Variants in SCAPER observed in about 807,000 individuals in gnomAD.
SCAPER encodes the protein S-phase cyclin A associated protein in the ER, also known as S phase cyclin A-associated protein in the endoplasmic reticulum.
In SCAPER, 98 loss-of-function variants were observed where a neutral mutation model predicts 182.2. The observed-to-expected ratio is 0.54, with a 90% CI of 0.46 to 0.64. The LOEUF (loss-of-function observed/expected upper bound fraction) is 0.64. SCAPER is among the 30% of genes least tolerant of loss of function. The pLI, the probability that SCAPER is intolerant of heterozygous loss-of-function variation, is 0.00. For missense variants in SCAPER, 1,432 were observed against 1,690.0 expected, an observed-to-expected ratio of 0.85 and a Z score of 2.68; for synonymous variants, 605 against 564.6, an observed-to-expected ratio of 1.07 and a Z score of -1.01.
intron 22 of SCAPER, among the ~76,000 whole-genome samples, chr15:76,576,334 G>A (rs955792098): frequency 1.3e-5 from 2 of 152,060 alleles, no homozygotes; most frequent in East Asian, 1.9e-4. Context: ...GCTTCAGCCC[G>A]GGCAACAGAG....
chr15:76,516,856 C>G (rs1281979936), intron 23 of SCAPER, among the ~76,000 whole-genome samples: 1 of 152,148 alleles, frequency 6.6e-6, no homozygotes, highest in African/African-American at 2.4e-5. Flanking sequence ...TATCAAATTA[C>G]CATCTTGGAG....
chr15:76,544,626 C>T (rs1382139286), intron 23 of SCAPER, among the ~76,000 whole-genome samples: 2 of 152,014 alleles, frequency 1.3e-5, no homozygotes, highest in Non-Finnish European at 2.9e-5. Context: ...TCTATATAGA[C>T]AGAAAGTAGA....
chr15:76,884,497 C>G (rs28412669), intron 1 of SCAPER, among the ~76,000 whole-genome samples: 4,423 of 152,248 alleles, frequency 0.029, 198 homozygotes, highest in African/African-American at 0.1. Flanking sequence ...CTAGACAGAA[C>G]ACAGGGACTG....
chr15:76,581,533 T>A (rs2048271744), intron 22 of SCAPER, among the ~76,000 whole-genome samples: 1 of 152,228 alleles, frequency 6.6e-6, no homozygotes. Context: ...TGATACATCA[T>A]ATCAACAGAA....
chr15:76,542,133 C>A (rs1013174625), intron 23 of SCAPER, among the ~76,000 whole-genome samples: 5 of 152,076 alleles, frequency 3.3e-5, no homozygotes, highest in African/African-American at 7.2e-5. Flanking sequence ...CTAGACAAAA[C>A]CCTAGATCTA....
intron 4 of SCAPER, chr15:76,855,826 T>G (rs2071309297): frequency 4.7e-6 from 2 of 423,356 alleles, no homozygotes; most frequent in Non-Finnish European, 9.7e-6. Flanking sequence ...TTGCTGGGAG[T>G]GTAAATTAGT....
rs553699535 is a variant in SCAPER, at chr15:76,383,878, T to G, written c.3468-2263A>C. On this transcript the variant is annotated intron_variant, in intron 27 of 31. Transcript: ENST00000563290. ...CTGTTAAGATATACAGAGACTATAA[T>G]GCAATCTTGTATTGTCGAGGGGAGA... 2.6e-5 allele frequency among the ~76,000 whole-genome samples: 4 copies of G among 152,356 alleles called. No homozygotes were observed. The East Asian group carries it at 7.7e-4, about 29-fold the overall frequency.
intron 21 of SCAPER, among the ~76,000 whole-genome samples, chr15:76,631,807 T>C (rs1449671031): frequency 6.6e-6 from 1 of 152,096 alleles, no homozygotes; most frequent in Admixed American, 6.6e-5. Context: ...GGTTCTTTGG[T>C]TGTCATGAAT....
intron 15 of SCAPER, among the ~76,000 whole-genome samples, chr15:76,736,307 C>T (rs1186159661): frequency 6.6e-6 from 1 of 152,164 alleles, no homozygotes; most frequent in Non-Finnish European, 1.5e-5. Flanking sequence ...ATGTTGATGG[C>T]TGCTGACTGA....
At chr15:76,848,932 G>A (rs1342123046) in intron 4 of SCAPER, among the ~76,000 whole-genome samples, 1 of 152,046 alleles carries the variant, frequency 6.6e-6, no homozygotes, top group East Asian at 1.9e-4. Context: ...CATACCCACT[G>A]TTAGTGACAC....
At chr15:76,779,924 G>A (rs979418016) in intron 8 of SCAPER, among the ~76,000 whole-genome samples, 57 of 152,168 alleles carry the variant, frequency 3.7e-4, no homozygotes, top group African/African-American at 1.4e-3. Flanking sequence ...ACCAACATGG[G>A]TGAATAGGAA....
chr15:76,681,718 C>A (rs1241365047), intron 20 of SCAPER, among the ~76,000 whole-genome samples: 1 of 152,118 alleles, frequency 6.6e-6, no homozygotes, highest in African/African-American at 2.4e-5. Context: ...CTCCACAGAT[C>A]CCTGGAATCC....
chr15:76,628,802 T>C (rs1049590147), intron 21 of SCAPER, among the ~76,000 whole-genome samples: 1 of 152,258 alleles, frequency 6.6e-6, no homozygotes, highest in African/African-American at 2.4e-5. Context: ...ATTCTAATTC[T>C]GTGAAGAATG....
chr15:76,436,560 G>A (rs1434325913), intron 25 of SCAPER, among the ~76,000 whole-genome samples: 11 of 151,694 alleles, frequency 7.3e-5, no homozygotes, highest in Non-Finnish European at 1.5e-4. Flanking sequence ...TTTTGGTAGT[G>A]TCTTGTTTTT....
chr15:76,416,990 C>A (rs2045693526), intron 26 of SCAPER, among the ~76,000 whole-genome samples: 1 of 151,878 alleles, frequency 6.6e-6, no homozygotes, highest in Non-Finnish European at 1.5e-5. Context: ...CTGCTTGAGG[C>A]CAGGAGTTGA....
At position 76,554,569 on chromosome 15, in the gene SCAPER, T is replaced by C. The variant is rs73455146; in HGVS notation, c.2838+19589A>G. 4.4e-3 allele frequency among the ~76,000 whole-genome samples: 667 copies of C among 152,064 alleles called. 7 individuals carry two copies. Among genetic ancestry groups the C allele is most frequent in the African/African-American group, 0.015 (635 of 41,500 alleles). ...AAGTATAGTATAGTTTGAAGTTGGG[T>C]AGTATGATACCTCCAGCTTAAGTTC... On this transcript the variant is annotated intron_variant, in intron 23 of 31. Transcript: ENST00000563290.
chr15:76,425,789 G>T (rs930951497), intron 26 of SCAPER, among the ~76,000 whole-genome samples: 2 of 152,164 alleles, frequency 1.3e-5, no homozygotes, highest in Non-Finnish European at 2.9e-5. Context: ...TACAGATGGG[G>T]TTTTGGTGTG....
At chr15:76,416,462 C>T (rs1392362446) in intron 26 of SCAPER, among the ~76,000 whole-genome samples, 1 of 151,450 alleles carries the variant, frequency 6.6e-6, no homozygotes, top group Admixed American at 6.6e-5. Flanking sequence ...ACATTCCAGC[C>T]TGGGTGGCAG....
At chr15:76,545,494 TATC>T (rs1347296634) in intron 23 of SCAPER, among the ~76,000 whole-genome samples, 1 of 152,170 alleles carries the variant, frequency 6.6e-6, no homozygotes, top group Non-Finnish European at 1.5e-5. Context: ...GAGAAAAATA[TATC>T]ATCAATTCCA....
Sources: allele counts gnomAD v4.1 joint callset (sites outside exome capture counted in the v4.1 genomes callset), GRCh38; gene constraint gnomAD v4.1.1; transcripts MANE v1.5; gene names NCBI Gene and HGNC (gene_info 2026-07-23, HGNC 2026-07-21).